S100PBP: variants seen among roughly 807,000 people sequenced by gnomAD.
S100PBP encodes the protein S100P binding protein, also known as S100P-binding protein.
Under a neutral mutation model 39.9 loss-of-function variants are expected in S100PBP, and 15 were observed. The ratio of observed to expected loss-of-function variants is 0.38; its 90% CI spans 0.25 to 0.58. S100PBP has a LOEUF of 0.58. S100PBP is among the 20% of genes least tolerant of loss of function. The pLI is 0.70. For synonymous variants in S100PBP, 178 were observed against 180.3 expected, an observed-to-expected ratio of 0.99 and a Z score of 0.10; for missense variants, 504 against 487.3, an observed-to-expected ratio of 1.03 and a Z score of -0.32.
chr1:32,851,208 A>T (rs1640593362), intron 5 of S100PBP, among the ~76,000 whole-genome samples: 1 of 152,184 alleles, frequency 6.6e-6, no homozygotes, highest in Non-Finnish European at 1.5e-5. Context: ...GCTTCAAATA[A>T]ATTACATTTA....
chr1:32,836,653 C>G, intron 5 of S100PBP: 1 of 837,426 alleles, frequency 1.2e-6, no homozygotes, highest in Non-Finnish European at 1.4e-6. Context: ...TTCCTAGAGC[C>G]TTCTGTTCTA....
chr1:32,836,627 T>C, intron 5 of S100PBP: 1 of 960,408 alleles, frequency 1.0e-6, no homozygotes, highest in Non-Finnish European at 1.2e-6. Context: ...TTAAATTTTT[T>C]TTTTGGGAGA....
At chr1:32,850,195 A>C (rs556054719) in intron 5 of S100PBP, among the ~76,000 whole-genome samples, 1 of 152,336 alleles carries the variant, frequency 6.6e-6, no homozygotes, top group East Asian at 1.9e-4. Flanking sequence ...GAAATGAGTG[A>C]GCTGAAGGAC....
chr1:32,824,846 A>G (rs1382243791), intron 1 of S100PBP: 5 of 145,920 alleles, frequency 3.4e-5, no homozygotes, highest in Non-Finnish European at 6.0e-5. Flanking sequence ...ATATATATAT[A>G]AAGATTTGTG....
At chr1:32,817,577 G>T (rs1057515442), upstream of S100PBP, 1 of 495,002 alleles carries the variant, frequency 2.0e-6, no homozygotes, top group East Asian at 3.5e-5. Context: ...CCCTCCCCCT[G>T]GTGTTGGCCC....
intron 5 of S100PBP, chr1:32,837,173 A>G (rs995096442): frequency 9.9e-5 from 15 of 150,852 alleles, no homozygotes; most frequent in Middle Eastern, 3.2e-3. Context: ...AAAAAAAAAA[A>G]AAAAAGAAAT....
At chr1:32,838,302 C>T (rs1052940180) in intron 5 of S100PBP, among the ~76,000 whole-genome samples, 1 of 148,384 alleles carries the variant, frequency 6.7e-6, no homozygotes, top group African/African-American at 2.5e-5. Context: ...CCACTGCAGT[C>T]CGGCCTGGGC....
At chr1:32,848,470 C>T (rs999630845) in intron 5 of S100PBP, among the ~76,000 whole-genome samples, 2 of 152,188 alleles carry the variant, frequency 1.3e-5, no homozygotes, top group Non-Finnish European at 2.9e-5. Flanking sequence ...GTTCTCATTA[C>T]TAAAGCTCAC....
At chr1:32,835,519 T>G (rs1037720084) in intron 5 of S100PBP, 2 of 152,152 alleles carry the variant, frequency 1.3e-5, no homozygotes, top group Non-Finnish European at 2.9e-5. Context: ...AACCTCTTCA[T>G]CTTGCAAATC....
At position 32,844,308 on chromosome 1, in the gene S100PBP, C is replaced by G. The variant is rs139601013; in HGVS notation, c.1025-8771C>G. Among the ~76,000 whole-genome samples the G allele has an allele frequency of 4.7e-3, 711 of 152,264 alleles. 9 individuals carry two copies. The highest frequency in any genetic ancestry group is 0.016 in the African/African-American group (655 of 41,554). On this transcript the variant is annotated intron_variant, in intron 5 of 6. Coordinates refer to ENST00000373475, the MANE Select transcript of S100PBP (RefSeq NM_022753.4). ...CTCAAGTATCTGCCTGCCTCTGCCTCCCAAAGTGTTGGGGTTACAGGTGTG... is the reference window on the plus strand; with the variant it reads ...CTCAAGTATCTGCCTGCCTCTGCCTGCCAAAGTGTTGGGGTTACAGGTGTG...
rs770710103 is a variant in S100PBP, at chr1:32,826,431, C to G, written c.332C>G (p.Pro111Arg). The change falls in exon 3 of 7, where the codon CCT becomes CGT. Residue 111 changes from proline to arginine, a missense_variant. Physicochemically the swap from Pro to Arg is moderately radical, Grantham distance 103. Transcript: ENST00000373475. The stretch of plus-strand genomic sequence containing the variant: ...AGCCTGGGACCAGTAGCTGAGACTC[C>G]TGACCTCTTCAAACTACCTCAGCTA... Reference protein sequence around the residue: ...SYSLGPVAETPDLFKLPQLST... With the variant: ...SYSLGPVAETRDLFKLPQLST... 11 of 1,614,100 alleles carry G rather than the reference C, an allele frequency of 6.8e-6. No individual in the cohort carries two copies. Among genetic ancestry groups the G allele is most frequent in the Non-Finnish European group, 8.5e-6 (10 of 1,180,014 alleles).
intron 5 of S100PBP, among the ~76,000 whole-genome samples, chr1:32,831,054 T>C (rs934695002): frequency 2.1e-5 from 3 of 145,116 alleles, no homozygotes; most frequent in Admixed American, 7.1e-5. Flanking sequence ...CACTTTAACA[T>C]GGGTGACAGA....
chr1:32,839,321 C>G (rs538238798), intron 5 of S100PBP, among the ~76,000 whole-genome samples: 1 of 152,200 alleles, frequency 6.6e-6, no homozygotes, highest in Non-Finnish European at 1.5e-5. Flanking sequence ...GAATCTCCTT[C>G]CTTTTTAAGA....
At chr1:32,819,280 G>T (rs1191006721) in intron 1 of S100PBP, among the ~76,000 whole-genome samples, 1 of 152,152 alleles carries the variant, frequency 6.6e-6, no homozygotes, top group Non-Finnish European at 1.5e-5. Flanking sequence ...AAAAATGAAG[G>T]GATATGGCCA....
chr1:32,853,064 C>A lies in S100PBP; in HGVS notation c.1025-15C>A. 1.9e-6 allele frequency: 3 copies of A among 1,587,104 alleles called. No individual in the cohort carries two copies. Among genetic ancestry groups the A allele is most frequent in the Non-Finnish European group, 2.6e-6 (3 of 1,156,242 alleles). ...CACTCAGCTGTTCCTAACCACTGAT[C>A]CCTCTGTATCACAGGTATCTCGGGG... On this transcript the variant is annotated splice_polypyrimidine_tract_variant and intron_variant, in intron 5 of 6. Coordinates refer to ENST00000373475, the MANE Select transcript of S100PBP (RefSeq NM_022753.4).
At position 32,858,154 on chromosome 1, in the gene S100PBP, A is replaced by G. The variant is rs1245771687; in HGVS notation, c.*2116A>G. The stretch of plus-strand genomic sequence containing the variant: ...GTAGGGAACTGTAGTCTAGTTCCCT[A>G]CAGAAAACCCAAGGAGTGAAGGGAC... On this transcript the variant is annotated 3_prime_UTR_variant, in exon 7 of 7. Coordinates refer to ENST00000373475, the MANE Select transcript of S100PBP (RefSeq NM_022753.4). 1.3e-5 allele frequency: 2 copies of G among 152,642 alleles called. No individual in the cohort carries two copies. The highest frequency in any genetic ancestry group is 6.5e-5 in the Admixed American group (1 of 15,280). The allele number at this position is 152,642 out of a possible 1,614,324, so 9.5% of individuals were successfully genotyped here.
chr1:32,845,442 A>C (rs976128252), intron 5 of S100PBP, among the ~76,000 whole-genome samples: 7 of 152,086 alleles, frequency 4.6e-5, no homozygotes, highest in Non-Finnish European at 1.0e-4. Flanking sequence ...TCTCAAAAAA[A>C]AAAAGTTAAA....
At chr1:32,819,587 AT>A (rs948784717) in intron 1 of S100PBP, among the ~76,000 whole-genome samples, 10 of 152,202 alleles carry the variant, frequency 6.6e-5, no homozygotes, top group African/African-American at 1.9e-4. Flanking sequence ...AAATAAAAAA[AT>A]AAAGGGGTCC....
At chr1:32,823,546 A>T (rs1377704207) in intron 1 of S100PBP, among the ~76,000 whole-genome samples, 1 of 152,216 alleles carries the variant, frequency 6.6e-6, no homozygotes, top group Non-Finnish European at 1.5e-5. Context: ...GCTAAGTTAG[A>T]GTCGTAAAAT....
Sources: allele counts gnomAD v4.1 joint callset (sites outside exome capture counted in the v4.1 genomes callset), GRCh38; gene constraint gnomAD v4.1.1; transcripts MANE v1.5; gene names NCBI Gene and HGNC (gene_info 2026-07-23, HGNC 2026-07-21).